LRCH3: variants seen among roughly 807,000 people sequenced by gnomAD.
LRCH3 encodes DISP complex protein LRCH3.
LRCH3 carries 68 observed loss-of-function variants against 104.5 expected under a neutral mutation model. That is an observed-to-expected ratio of 0.65 (90% confidence interval 0.54 to 0.80). The LOEUF is 0.80. LRCH3 is among the 30% of genes least tolerant of loss of function. The pLI is 0.00. For synonymous variants in LRCH3, 344 were observed against 361.3 expected (o/e 0.95, Z 0.54); for missense variants, 951 against 953.9 (o/e 1.00, Z 0.04).
At chr3:197,855,122 G>A (rs1019354480) in intron 14 of LRCH3, among the ~76,000 whole-genome samples, 2 of 152,016 alleles carry the variant, frequency 1.3e-5, no homozygotes, top group African/African-American at 2.4e-5. Flanking sequence ...ATAGTAGTAC[G>A]TTCAGAGGTC....
chr3:197,887,201 A>G lies in LRCH3; in HGVS notation c.*3535A>G, dbSNP rs1466965010. ...AGAATTTTTGTATTCAGTATTTTGT[A>G]TGTACCTTTTTTTTTTTAAATTGGA... On this transcript the variant is annotated 3_prime_UTR_variant, in exon 21 of 21. Transcript: ENST00000425562. 3 of 151,982 alleles carry G rather than the reference A, an allele frequency of 2.0e-5. No homozygotes were observed. Among genetic ancestry groups the G allele is most frequent in the Non-Finnish European group, 4.4e-5 (3 of 67,986 alleles). The allele number at this position is 151,982 out of a possible 1,614,324, so 9.4% of individuals were successfully genotyped here.
At position 197,871,413 on chromosome 3, in the gene LRCH3, A is replaced by G. The variant is rs1712178382; in HGVS notation, c.2081A>G (p.His694Arg). Residue 694 changes from histidine to arginine, a missense_variant, in exon 19 of 21, where the codon CAT becomes CGT. Transcript: ENST00000425562. ...GTTGTTCTTTGCCATTTGGCCAATC[A>G]TGTGCGACCTCGATCTGTCCCAAGC... The part of the protein sequence containing the change: ...DGVVLCHLAN[H>R]VRPRSVPSIH... 1.9e-6 allele frequency: 3 copies of G among 1,614,128 alleles called. No individual in the cohort carries two copies. The highest frequency in any genetic ancestry group is 2.2e-5 in the East Asian group (1 of 44,886).
Position 197,887,567 on chromosome 3 carries a change from C to G in LRCH3, c.*3901C>G, listed in dbSNP as rs1467225056. 2.7e-5 allele frequency: 4 copies of G among 148,084 alleles called. No homozygotes were observed. Among genetic ancestry groups the G allele is most frequent in the African/African-American group, 1.0e-4 (4 of 38,650 alleles). 9.2% of individuals were successfully genotyped at this position (148,084 alleles called of 1,614,324 possible). The stretch of plus-strand genomic sequence containing the variant: ...TGAGAGCCCCCCAGCAGAGCCCTTC[C>G]CATCACTGACAGTGTTGGGGGCTGA... On this transcript the variant is annotated 3_prime_UTR_variant, in exon 21 of 21. Transcript: ENST00000425562.
intron 15 of LRCH3, among the ~76,000 whole-genome samples, chr3:197,864,214 G>A: frequency 6.6e-6 from 1 of 152,214 alleles, no homozygotes; most frequent in South Asian, 2.1e-4. Flanking sequence ...GCTGAGGCAG[G>A]AGAATCACTT....
intron 8 of LRCH3, among the ~76,000 whole-genome samples, chr3:197,833,482 G>A (rs1472219359): frequency 6.8e-6 from 1 of 147,908 alleles, no homozygotes; most frequent in Non-Finnish European, 1.5e-5. Context: ...AGGTTGCAGT[G>A]AGCCAAGATC....
At position 197,847,444 on chromosome 3, in the gene LRCH3, C is replaced by T. The variant is rs2109385275; in HGVS notation, c.1364C>T (p.Ser455Leu). 6.2e-7 allele frequency: 1 copy of T among 1,600,472 alleles called. No homozygotes were observed. Among genetic ancestry groups the T allele is most frequent in the Non-Finnish European group, 8.5e-7 (1 of 1,175,200 alleles). ...PAEPSSLLSL[S>L]ASHNQLSHTD... is the part of the protein sequence containing the mutation. ...GAGCCATCTTCCCTCCTGTCACTAT[C>T]AGCAAGTCACAATCAGGTAATGTTT... is the stretch of plus-strand genomic sequence containing the variant. Residue 455 changes from serine (S) to leucine (L), a missense_variant, in exon 11 of 21, where the codon TCA becomes TTA. Transcript: ENST00000425562.
Position 197,817,213 on chromosome 3 carries a change from A to C in LRCH3, c.445A>C (p.Asn149His). The C allele has an allele frequency of 6.2e-7, 1 of 1,608,692 alleles. No individual in the cohort carries two copies. The highest frequency in any genetic ancestry group is 8.5e-7 in the Non-Finnish European group (1 of 1,177,770). ...GTCAACATTGCCGGTACACTTGTGTAATTTGCCATTGAAAGTCTTAATTGC... is the reference window on the plus strand; with the variant it reads ...GTCAACATTGCCGGTACACTTGTGTCATTTGCCATTGAAAGTCTTAATTGC... ...QLSTLPVHLC[N>H]LPLKVLIASN... is the part of the protein sequence containing the mutation. The change falls in exon 3 of 21, where the codon AAT becomes CAT. Residue 149 changes from asparagine to histidine, a missense_variant. Coordinates refer to ENST00000425562, the MANE Select transcript of LRCH3 (RefSeq NM_001365715.1).
intron 12 of LRCH3, chr3:197,850,867 G>A (rs1019673163): frequency 7.3e-6 from 7 of 960,300 alleles, no homozygotes; most frequent in Non-Finnish European, 1.2e-5. Flanking sequence ...GCAGTTCCAC[G>A]AGTGTTCTTA....
At chr3:197,855,144 G>A (rs1338010241) in intron 14 of LRCH3, among the ~76,000 whole-genome samples, 1 of 152,216 alleles carries the variant, frequency 6.6e-6, no homozygotes, top group Non-Finnish European at 1.5e-5. Context: ...AGTGCCTACA[G>A]TGCTAGTAAC....
chr3:197,833,739 T>C (rs1458669853), intron 8 of LRCH3, among the ~76,000 whole-genome samples: 2 of 152,006 alleles, frequency 1.3e-5, no homozygotes, highest in Non-Finnish European at 2.9e-5. Context: ...TTAAAAAATA[T>C]GGCTACTAGA....
intron 15 of LRCH3, among the ~76,000 whole-genome samples, chr3:197,862,038 A>G (rs547224649): frequency 6.6e-6 from 1 of 152,268 alleles, no homozygotes; most frequent in East Asian, 1.9e-4. Flanking sequence ...TCTGTCGCTC[A>G]GGCTGGAGTG....
intron 18 of LRCH3, among the ~76,000 whole-genome samples, 177 bp from the exon 19 acceptor site, chr3:197,871,148 G>T (rs1043863662): frequency 3.3e-5 from 5 of 151,986 alleles, no homozygotes; most frequent in Non-Finnish European, 7.4e-5. Context: ...TGCCCTGGCT[G>T]CCGTCCATAT....
intron 10 of LRCH3, among the ~76,000 whole-genome samples, chr3:197,846,405 A>C (rs568593702): frequency 1.3e-5 from 2 of 150,868 alleles, no homozygotes; most frequent in African/African-American, 4.9e-5. Context: ...AAAAAACAAA[A>C]AAAAAACGGC....
Position 197,886,204 on chromosome 3 carries a change from G to A in LRCH3, c.*2538G>A, listed in dbSNP as rs1459837698. ...ATTAAAAAAAAAAAAAAAAAACCAG[G>A]TGTGGTGGCACCTGCCTGTACTCCC... is the stretch of plus-strand genomic sequence containing the variant. On this transcript the variant is annotated 3_prime_UTR_variant, in exon 21 of 21. Transcript: ENST00000425562. The A allele has an allele frequency of 6.6e-6, 1 of 151,324 alleles. No individual in the cohort carries two copies. Among genetic ancestry groups the A allele is most frequent in the East Asian group, 1.9e-4 (1 of 5,174 alleles). 9.4% of individuals were successfully genotyped at this position (151,324 alleles called of 1,614,324 possible).
intron 9 of LRCH3, among the ~76,000 whole-genome samples, chr3:197,839,113 T>C (rs889990985): frequency 1.3e-5 from 2 of 152,232 alleles, no homozygotes; most frequent in African/African-American, 4.8e-5. Flanking sequence ...TAAAATAAAA[T>C]AAATGTTTGT....
chr3:197,866,257 A>C, intron 17 of LRCH3, 38 bp downstream of exon 17: 2 of 1,460,246 alleles, frequency 1.4e-6, no homozygotes, highest in African/African-American at 1.4e-5. Context: ...GAGCGAGGGG[A>C]GGTTTACACA....
At chr3:197,830,888 G>GT in intron 7 of LRCH3, 25 bp downstream of exon 7, 2 of 1,515,312 alleles carry the variant, frequency 1.3e-6, no homozygotes, top group Non-Finnish European at 1.8e-6. Context: ...TGTTCCGTGT[G>GT]TTATAACACC....
intron 1 of LRCH3, among the ~76,000 whole-genome samples, chr3:197,793,260 A>T (rs1239858949): frequency 1.3e-5 from 2 of 152,252 alleles, no homozygotes; most frequent in East Asian, 3.8e-4. Flanking sequence ...TGTAGTTTAA[A>T]ATAGAAGAAA....
rs1247300397 is a variant in LRCH3, at chr3:197,880,762, A to G, written c.2209-2779A>G. ...TCTGCCTCATTCCTGTGCTTGGTAAAGGAGGTTTGTTTCTCATCCAGAATT... is the reference window on the plus strand; with the variant it reads ...TCTGCCTCATTCCTGTGCTTGGTAAGGGAGGTTTGTTTCTCATCCAGAATT... On this transcript the variant is annotated intron_variant, in intron 20 of 20. Coordinates refer to ENST00000425562, the MANE Select transcript of LRCH3 (RefSeq NM_001365715.1). 7 of 1,534,412 alleles carry G rather than the reference A, an allele frequency of 4.6e-6. No homozygotes were observed. The East Asian group carries it at 1.5e-4, about 32-fold the overall frequency.
Sources: allele counts gnomAD v4.1 joint callset (sites outside exome capture counted in the v4.1 genomes callset), GRCh38; gene constraint gnomAD v4.1.1; transcripts MANE v1.5; gene names NCBI Gene and HGNC (gene_info 2026-07-23, HGNC 2026-07-21).